NAALADL2: variants seen among roughly 807,000 people sequenced by gnomAD.
NAALADL2 encodes the protein N-acetylated alpha-linked acidic dipeptidase like 2, also known as inactive N-acetylated-alpha-linked acidic dipeptidase-like protein 2.
NAALADL2 carries 76 observed loss-of-function variants against 87.2 expected under a neutral mutation model. The observed-to-expected ratio is 0.87, with a 90% CI of 0.72 to 1.05. The LOEUF is 1.05. Among genes scored for constraint, NAALADL2 ranks in the 50% least tolerant of loss-of-function variants. The pLI, the probability that NAALADL2 is intolerant of heterozygous loss-of-function variation, is 0.00. For missense variants in NAALADL2, 1,089 were observed against 945.8 expected, an observed-to-expected ratio of 1.15 and a Z score of -1.99; for synonymous variants, 354 against 331.0, an observed-to-expected ratio of 1.07 and a Z score of -0.75.
chr3:174,789,662 G>T (rs183040642), intron 3 of NAALADL2, among the ~76,000 whole-genome samples: 282 of 152,248 alleles, frequency 1.9e-3, no homozygotes, highest in Non-Finnish European at 3.3e-3. Context: ...AACCTAAAAT[G>T]CAAATGGTAA....
At chr3:174,636,444 TCAAA>T (rs1183272619) in intron 2 of NAALADL2, among the ~76,000 whole-genome samples, 3 of 151,826 alleles carry the variant, frequency 2.0e-5, no homozygotes, top group African/African-American at 7.3e-5. Context: ...TACAAGGAAC[TCAAA>T]CAACAGTAAA....
chr3:175,571,244 T>A lies in NAALADL2; in HGVS notation c.1654-4797T>A, dbSNP rs192893679. On this transcript the variant is annotated intron_variant, in intron 9 of 13. Transcript: ENST00000454872. Reference sequence around the variant, plus strand: ...CAGATTTAGGACTGAGGTAGTGATTTCATTTCAGGTCTTCTATGGACTTGT... The same window carrying A: ...CAGATTTAGGACTGAGGTAGTGATTACATTTCAGGTCTTCTATGGACTTGT... Among the ~76,000 whole-genome samples, 350 of 152,296 alleles carry A rather than the reference T, an allele frequency of 2.3e-3. 2 individuals are homozygous for A. Among genetic ancestry groups the A allele is most frequent in the East Asian group, 9.7e-4 (5 of 5,176 alleles).
chr3:174,910,112 T>C (rs940577921), intron 1 of NAALADL2, among the ~76,000 whole-genome samples: 4 of 151,994 alleles, frequency 2.6e-5, no homozygotes, highest in African/African-American at 9.7e-5. Flanking sequence ...CAGAATGTAG[T>C]TGATTTTTTA....
At chr3:175,031,557 G>A (rs140017125) in intron 1 of NAALADL2, among the ~76,000 whole-genome samples, 2,164 of 152,144 alleles carry the variant, frequency 0.014, 29 homozygotes, top group African/African-American at 0.036. Flanking sequence ...CTTTGCTACT[G>A]TGAATAGTGC....
chr3:174,574,479 G>A (rs1187709218), intron 2 of NAALADL2, among the ~76,000 whole-genome samples: 1 of 151,824 alleles, frequency 6.6e-6, no homozygotes, highest in Admixed American at 6.6e-5. Flanking sequence ...TTATGAACAT[G>A]ATATGTTATA....
At chr3:175,435,731 A>G (rs11719466) in intron 5 of NAALADL2, among the ~76,000 whole-genome samples, 119,684 of 151,938 alleles carry the variant, frequency 0.79, 47,295 homozygotes, top group East Asian at 0.87. Flanking sequence ...ATTTTTAATC[A>G]TGGGGAAAGT....
intron 9 of NAALADL2, among the ~76,000 whole-genome samples, chr3:175,497,296 T>C (rs1728953668): frequency 6.6e-6 from 1 of 152,190 alleles, no homozygotes; most frequent in Admixed American, 6.6e-5. Context: ...TACCTCCTTG[T>C]ACAAATCAGA....
intron 6 of NAALADL2, 77 bp downstream of exon 6, chr3:175,447,449 T>G: frequency 1.0e-6 from 1 of 998,572 alleles, no homozygotes; most frequent in Non-Finnish European, 1.4e-6. Flanking sequence ...CCTAAATTGA[T>G]GTATGTAGGA....
At chr3:174,577,042 G>A (rs753240922) in intron 2 of NAALADL2, among the ~76,000 whole-genome samples, 14 of 151,928 alleles carry the variant, frequency 9.2e-5, no homozygotes, top group Non-Finnish European at 1.9e-4. Flanking sequence ...GATATTAAAC[G>A]TTACAGAGAG....
chr3:175,668,226 C>T (rs1391594968), intron 11 of NAALADL2, among the ~76,000 whole-genome samples: 2 of 152,096 alleles, frequency 1.3e-5, no homozygotes, highest in African/African-American at 4.8e-5. Context: ...ACTTTTGTAG[C>T]TGCTAGAGTT....
chr3:175,718,568 C>G, intron 11 of NAALADL2: 1 of 1,592,430 alleles, frequency 6.3e-7, no homozygotes. Flanking sequence ...TAGATCCCAG[C>G]TAACTGTGCC....
At chr3:175,109,844 C>T (rs1723871556) in intron 2 of NAALADL2, among the ~76,000 whole-genome samples, 1 of 151,786 alleles carries the variant, frequency 6.6e-6, no homozygotes, top group Non-Finnish European at 1.5e-5. Context: ...AACGAACCCA[C>T]TCGTAAAGAG....
rs116775158 is a variant in NAALADL2, at chr3:174,760,455, A to G, written c.-9+22709A>G. Among the ~76,000 whole-genome samples, 234 of 152,370 alleles carry G rather than the reference A, an allele frequency of 1.5e-3. 4 individuals are homozygous for G. Among genetic ancestry groups the G allele is most frequent in the African/African-American group, 5.4e-3 (224 of 41,580 alleles). On this transcript the variant is annotated intron_variant, in intron 3 of 3. Transcript: ENST00000434257. The stretch of plus-strand genomic sequence containing the variant: ...ACCATTCATTCATTTCATTCATTCA[A>G]TGGAATACTGCAATAGGGACTGTGG...
chr3:175,309,247 A>G (rs1477224506), intron 4 of NAALADL2, among the ~76,000 whole-genome samples: 1 of 152,020 alleles, frequency 6.6e-6, no homozygotes, highest in African/African-American at 2.4e-5. Flanking sequence ...GTGGAATGGC[A>G]CGATCTCAAC....
chr3:174,680,745 G>C (rs1727461303), intron 2 of NAALADL2, among the ~76,000 whole-genome samples: 1 of 152,152 alleles, frequency 6.6e-6, no homozygotes, highest in Non-Finnish European at 1.5e-5. Context: ...ATAGTGACAT[G>C]CTACTTAGAA....
chr3:175,362,282 G>C (rs1681865483), intron 5 of NAALADL2, among the ~76,000 whole-genome samples: 2 of 148,138 alleles, frequency 1.4e-5, no homozygotes, highest in African/African-American at 4.9e-5. Context: ...TTGTTGTATA[G>C]TTTGAAGTCA....
intron 5 of NAALADL2, among the ~76,000 whole-genome samples, chr3:175,338,122 A>G (rs1264535588): frequency 2.6e-5 from 4 of 152,160 alleles, no homozygotes; most frequent in Admixed American, 1.3e-4. Flanking sequence ...CTAAATTGTC[A>G]TGCTTTAGGA....
intron 3 of NAALADL2, among the ~76,000 whole-genome samples, chr3:174,789,705 C>T (rs1488683540): frequency 6.6e-6 from 1 of 152,166 alleles, no homozygotes; most frequent in African/African-American, 2.4e-5. Flanking sequence ...TAACTGTATA[C>T]CATCAGCAGC....
intron 2 of NAALADL2, among the ~76,000 whole-genome samples, chr3:174,691,168 T>C (rs564468963): frequency 1.3e-5 from 2 of 152,266 alleles, no homozygotes; most frequent in Non-Finnish European, 2.9e-5. Flanking sequence ...TCCCAGCACA[T>C]TGGGAGGCTG....
Sources: gnomAD v4.1 joint callset for allele counts (sites outside exome capture counted in the v4.1 genomes callset) on GRCh38, gnomAD v4.1.1 for gene constraint, MANE v1.5 for transcripts, NCBI Gene and HGNC (gene_info 2026-07-23, HGNC 2026-07-21) for gene names.